DENND2A: variants seen among roughly 807,000 people sequenced by gnomAD.
DENND2A encodes DENN domain containing 2A.
Under a neutral mutation model 105.3 loss-of-function variants are expected in DENND2A, and 53 were observed. That is an observed-to-expected ratio of 0.50 (90% confidence interval 0.40 to 0.63). DENND2A has a LOEUF of 0.63. Ranked by LOEUF, DENND2A falls within the 30% of genes least tolerant of loss-of-function variation. The pLI is 0.00. For missense variants in DENND2A, 1,138 were observed against 1,279.6 expected (o/e 0.89, Z 1.69); for synonymous variants, 522 against 508.4 (o/e 1.03, Z -0.36).
intron 3 of DENND2A, among the ~76,000 whole-genome samples, chr7:140,589,597 G>GGGCT (rs1563162371): frequency 6.6e-6 from 1 of 152,178 alleles, no homozygotes; most frequent in Non-Finnish European, 1.5e-5. Flanking sequence ...AGAGAGAAAG[G>GGGCT]GGCTGTAGCT....
At chr7:140,548,260 G>A (rs932722694) in intron 12 of DENND2A, among the ~76,000 whole-genome samples, 4 of 147,478 alleles carry the variant, frequency 2.7e-5, no homozygotes, top group Admixed American at 1.4e-4. Context: ...TGCATGGTAT[G>A]TGAATTATAT....
At chr7:140,599,739 T>C (rs1799414995) in intron 3 of DENND2A, among the ~76,000 whole-genome samples, 2 of 152,054 alleles carry the variant, frequency 1.3e-5, no homozygotes, top group East Asian at 1.9e-4. Flanking sequence ...TGCAAACTTT[T>C]TCCCCCTTGA....
chr7:140,547,003 C>T, intron 12 of DENND2A, 64 bp from the exon 13 acceptor site: 2 of 1,562,916 alleles, frequency 1.3e-6, no homozygotes, highest in South Asian at 1.2e-5. Context: ...GAGCTCAGTT[C>T]TAGGTGAAGT....
At chr7:140,567,424 G>C in intron 8 of DENND2A, 151 bp from the exon 9 acceptor site, 2 of 649,194 alleles carry the variant, frequency 3.1e-6, no homozygotes, top group South Asian at 2.9e-5. Flanking sequence ...GTAATTATCA[G>C]CTCAAGTACT....
In DENND2A at chr7:140,603,911, T is replaced by C. The variant is rs1021847287; in HGVS notation, c.-145-1369A>G. 3.5e-4 allele frequency among the ~76,000 whole-genome samples: 54 copies of C among 152,354 alleles called. 1 individual carries two copies. The highest frequency in any genetic ancestry group is 1.3e-4 in the Non-Finnish European group (9 of 68,032). ...ATAAAGTTTTGGCCTAGAACATATATGTAATGATACATGCTTCCAAATGTA... is the reference window on the plus strand; with the variant it reads ...ATAAAGTTTTGGCCTAGAACATATACGTAATGATACATGCTTCCAAATGTA... On this transcript the variant is annotated intron_variant, in intron 2 of 19. Coordinates refer to ENST00000496613, the MANE Select transcript of DENND2A (RefSeq NM_015689.5).
chr7:140,609,607 AT>A (rs1471047151), intron 1 of DENND2A, among the ~76,000 whole-genome samples: 1 of 152,192 alleles, frequency 6.6e-6, no homozygotes, highest in East Asian at 1.9e-4. Context: ...GAGTTCATAT[AT>A]TTTTTGTAGG....
intron 1 of DENND2A, among the ~76,000 whole-genome samples, chr7:140,630,683 A>AAAAAT (rs1019790069): frequency 5.3e-5 from 8 of 152,202 alleles, no homozygotes; most frequent in Admixed American, 2.0e-4. Flanking sequence ...TGTTTCTACT[A>AAAAAT]AAAATAAAAT....
chr7:140,539,313 G>A (rs1384197164), intron 14 of DENND2A, among the ~76,000 whole-genome samples: 1 of 152,164 alleles, frequency 6.6e-6, no homozygotes, highest in African/African-American at 2.4e-5. Context: ...CAAAGCTGGG[G>A]GAGGCCTTGG....
At chr7:140,611,198 C>T (rs1304115886) in intron 1 of DENND2A, among the ~76,000 whole-genome samples, 1 of 152,132 alleles carries the variant, frequency 6.6e-6, no homozygotes, top group Non-Finnish European at 1.5e-5. Flanking sequence ...TGCGCCACCA[C>T]AACTGGCCTC....
At chr7:140,558,295 G>A in intron 10 of DENND2A, 83 bp from the exon 11 acceptor site, 2 of 1,096,438 alleles carry the variant, frequency 1.8e-6, no homozygotes, top group Non-Finnish European at 2.7e-6. Context: ...GGGTGGCAGT[G>A]AGCAGCCATG....
intron 5 of DENND2A, among the ~76,000 whole-genome samples, chr7:140,577,491 G>A (rs889689195): frequency 1.3e-5 from 2 of 151,614 alleles, no homozygotes; most frequent in Admixed American, 6.6e-5. Flanking sequence ...TCCACCTCGC[G>A]GGTTCAAGTG....
chr7:140,555,292 C>A (rs1185149097), intron 12 of DENND2A, among the ~76,000 whole-genome samples: 1 of 152,040 alleles, frequency 6.6e-6, no homozygotes, highest in Non-Finnish European at 1.5e-5. Flanking sequence ...CGCCACCACG[C>A]CTGGCTAATT....
intron 12 of DENND2A, among the ~76,000 whole-genome samples, chr7:140,555,277 G>A (rs1006395758): frequency 2.6e-5 from 4 of 151,974 alleles, no homozygotes; most frequent in African/African-American, 9.7e-5. Flanking sequence ...GGGGTTACAG[G>A]CGCCCGCCAC....
intron 1 of DENND2A, among the ~76,000 whole-genome samples, chr7:140,637,006 T>G (rs1800963035): frequency 6.6e-6 from 1 of 152,018 alleles, no homozygotes; most frequent in Non-Finnish European, 1.5e-5. Flanking sequence ...ACTACAGGCA[T>G]GCGCCACCAC....
rs1186091890 is a variant in DENND2A at position 140,602,234 on chromosome 7, C to T, written c.164G>A (p.Gly55Glu). ...TGCAGGAGTGGGCACCTCTTTCTTC[C>T]CTTCCCATTCTGATATCTTGTCCTT... Reference protein sequence around the residue: ...NIKDKISEWEGKKEVPTPAPS... With the variant: ...NIKDKISEWEEKKEVPTPAPS... The change falls in exon 3 of 20, where the codon GGG becomes GAG. Residue 55 changes from glycine (G) to glutamate (E), a missense_variant. Gly to Glu is a moderately conservative substitution (Grantham distance 98). Around this residue, in one of 2 missense-constraint regions of DENND2A, gnomAD observed 511 missense variants for 499.9 expected, o/e 1.02. Coordinates refer to ENST00000496613, the MANE Select transcript of DENND2A (RefSeq NM_015689.5). 2 of 1,614,044 alleles carry T rather than the reference C, an allele frequency of 1.2e-6. No individual in the cohort carries two copies. Among genetic ancestry groups the T allele is most frequent in the South Asian group, 2.2e-5 (2 of 91,080 alleles).
intron 12 of DENND2A, among the ~76,000 whole-genome samples, 182 bp downstream of exon 12, chr7:140,555,454 T>C (rs139383592): frequency 1.3e-5 from 2 of 152,082 alleles, no homozygotes; most frequent in Non-Finnish European, 2.9e-5. Flanking sequence ...GCCTATCAAC[T>C]CTCATTTCCT....
chr7:140,529,633 A>G (rs906691773), intron 14 of DENND2A, among the ~76,000 whole-genome samples: 5 of 152,162 alleles, frequency 3.3e-5, no homozygotes, highest in Non-Finnish European at 7.3e-5. Context: ...GGATGAGTTC[A>G]TCCTTTGTAG....
At chr7:140,581,122 C>T (rs924075588) in intron 5 of DENND2A, among the ~76,000 whole-genome samples, 22 of 151,856 alleles carry the variant, frequency 1.4e-4, no homozygotes, top group African/African-American at 4.6e-4. Context: ...AAAAATTAGC[C>T]GGCACAGTGG....
rs192534312 is a variant in DENND2A at position 140,536,943 on chromosome 7, G to A, written c.2327+7675C>T. Among the ~76,000 whole-genome samples, 292 of 152,322 alleles carry A rather than the reference G, an allele frequency of 1.9e-3. 1 individual carries two copies. The highest frequency in any genetic ancestry group is 6.8e-3 in the African/African-American group (283 of 41,566). ...CTCCCAAAGTGCTGGGGTTACAGGC[G>A]TGAGCCACTGCACCTGCCTAAAATT... On this transcript the variant is annotated intron_variant, in intron 14 of 19. Coordinates refer to ENST00000496613, the MANE Select transcript of DENND2A (RefSeq NM_015689.5).
Sources: allele counts gnomAD v4.1 joint callset (sites outside exome capture counted in the v4.1 genomes callset), GRCh38; gene constraint gnomAD v4.1.1; regional missense constraint gnomAD v4.1.1; transcripts MANE v1.5; gene names NCBI Gene and HGNC (gene_info 2026-07-23, HGNC 2026-07-21).